The following HMGXB3 variants were observed in gnomAD, a reference collection of about 807,000 sequenced individuals.
HMGXB3 encodes HMG-box containing 3.
Under a neutral mutation model 121.5 loss-of-function variants are expected in HMGXB3, and 45 were observed. That is an observed-to-expected ratio of 0.37 (90% CI 0.29 to 0.47). HMGXB3 has a LOEUF of 0.47. HMGXB3 is among the 20% of genes least tolerant of loss of function. The pLI, the probability that HMGXB3 is intolerant of heterozygous loss-of-function variation, is 0.99. For missense variants in HMGXB3, 1,376 were observed against 1,602.2 expected (o/e 0.86, Z 2.41); for synonymous variants, 590 against 624.1 (o/e 0.95, Z 0.81).
At chr5:150,002,397 A>T (rs185566828) in intron 1 of HMGXB3, among the ~76,000 whole-genome samples, 1 of 152,300 alleles carries the variant, frequency 6.6e-6, no homozygotes, top group Admixed American at 6.5e-5. Flanking sequence ...ATAAGGTTAG[A>T]GTTTAGGTCT....
chr5:150,010,055 G>T (rs947228108), intron 3 of HMGXB3, 56 bp from the exon 4 acceptor site: 7 of 1,484,888 alleles, frequency 4.7e-6, no homozygotes, highest in Non-Finnish European at 6.3e-6. Context: ...CTCTCCATGT[G>T]GTCTTAGTCC....
chr5:150,011,799 A>G (rs1309114880), intron 4 of HMGXB3, among the ~76,000 whole-genome samples: 4 of 151,154 alleles, frequency 2.6e-5, no homozygotes, highest in African/African-American at 7.3e-5. Context: ...TTTAGTAGAC[A>G]TAGGGTTTCA....
chr5:150,048,678 C>A lies in HMGXB3; in HGVS notation c.3194C>A (p.Pro1065His). ...FTGGKIYKVC[P>H]HQVVCGSKYL... ...GGTGGTAAAATCTACAAGGTGTGCC[C>A]CCATCAGGTAAGAAAATAACTAGGG... is the stretch of plus-strand genomic sequence containing the variant. Residue 1065 changes from proline to histidine, a missense_variant, in exon 18 of 20, where the codon CCC (proline) becomes CAC (histidine). This residue lies in a region of HMGXB3 where 1,116 missense variants were observed against 1,369.0 expected (regional missense o/e 0.82). Transcript: ENST00000502717. The A allele has an allele frequency of 8.4e-6, 13 of 1,544,804 alleles. No homozygotes were observed. Among genetic ancestry groups the A allele is most frequent in the Non-Finnish European group, 1.1e-5 (13 of 1,140,682 alleles).
chr5:150,015,248 A>G (rs918509535), intron 5 of HMGXB3: 2 of 192,980 alleles, frequency 1.0e-5, no homozygotes, highest in Non-Finnish European at 2.1e-5. Context: ...TAGTTTCTTA[A>G]GGTAGAAGCT....
Position 150,036,892 on chromosome 5 carries a change from C to T in HMGXB3, c.2240C>T (p.Thr747Met), listed in dbSNP as rs1460755431. The change falls in exon 12 of 20, where the codon ACG becomes ATG. Residue 747 changes from threonine to methionine, a missense_variant. Physicochemically the swap from Thr to Met is moderately conservative, Grantham distance 81 (BLOSUM62 -1). Around this residue, in one of 2 missense-constraint regions of HMGXB3, gnomAD observed 1,116 missense variants for 1,369.0 expected, o/e 0.82. Transcript: ENST00000502717. ...SWSNYYESPSTQCLLCSSPLF... is the reference protein window; with the variant it reads ...SWSNYYESPSMQCLLCSSPLF... Reference sequence around the variant, plus strand: ...TCGAATTATTATGAGTCTCCGTCCACGCAGTGCCTTCTCTGTAGCAGCCCA... The same window carrying T: ...TCGAATTATTATGAGTCTCCGTCCATGCAGTGCCTTCTCTGTAGCAGCCCA... 6.4e-6 allele frequency: 10 copies of T among 1,551,562 alleles called. No individual in the cohort carries two copies. Among genetic ancestry groups the T allele is most frequent in the South Asian group, 4.8e-5 (4 of 84,060 alleles).
At chr5:150,024,746 T>C in intron 7 of HMGXB3, 66 bp downstream of exon 7, 2 of 1,317,648 alleles carry the variant, frequency 1.5e-6, no homozygotes, top group Admixed American at 5.7e-5. Context: ...ATCTCATGTC[T>C]GTACAGCATG....
At chr5:150,025,381 C>G (rs1364193380) in intron 7 of HMGXB3, among the ~76,000 whole-genome samples, 2 of 152,116 alleles carry the variant, frequency 1.3e-5, no homozygotes, top group Non-Finnish European at 2.9e-5. Flanking sequence ...CAATTGTGCC[C>G]GCAATGAACA....
Position 150,051,935 on chromosome 5 carries a change from G to A in HMGXB3, c.3622G>A (p.Val1208Met), listed in dbSNP as rs548707805. 21 of 1,552,260 alleles carry A rather than the reference G, an allele frequency of 1.4e-5. No homozygotes were observed. Among genetic ancestry groups the A allele is most frequent in the Admixed American group, 3.9e-5 (2 of 51,010 alleles). Reference protein sequence around the residue: ...APYATILASIVDSKPNGVRQR... With the variant: ...APYATILASIMDSKPNGVRQR... ...TTACGCAACCATCCTGGCCTCCATC[G>A]TGGACAGCAAACCAAACGGTGTCCG... is the stretch of plus-strand genomic sequence containing the variant. The change falls in exon 20 of 20, where the codon GTG becomes ATG. Residue 1208 changes from valine to methionine, a missense_variant. This residue lies in a region of HMGXB3 where 260 missense variants were observed against 233.2 expected (regional missense o/e 1.11). Transcript: ENST00000502717.
intron 11 of HMGXB3, among the ~76,000 whole-genome samples, chr5:150,033,947 A>G (rs1022481782): frequency 3.3e-5 from 5 of 152,246 alleles, no homozygotes; most frequent in South Asian, 2.1e-4. Flanking sequence ...TGGGAAAAAC[A>G]CTGGGGCTGG....
intron 15 of HMGXB3, among the ~76,000 whole-genome samples, chr5:150,042,902 GGTTGTATAACT>G (rs1463080588): frequency 2.0e-5 from 3 of 152,150 alleles, no homozygotes. Flanking sequence ...CATCATATAA[GGTTGTATAACT>G]TTGGAAACCA....
At chr5:150,015,401 C>T (rs557453589) in intron 5 of HMGXB3, among the ~76,000 whole-genome samples, 363 of 152,266 alleles carry the variant, frequency 2.4e-3, no homozygotes, top group Non-Finnish European at 4.5e-3. Flanking sequence ...CTACCTGCCC[C>T]AGTCTCTCAG....
intron 5 of HMGXB3, among the ~76,000 whole-genome samples, chr5:150,017,357 T>G (rs1561858497): frequency 6.6e-6 from 1 of 152,230 alleles, no homozygotes; most frequent in African/African-American, 2.4e-5. Context: ...ATTCCACTAT[T>G]AATAGTCTCT....
At position 150,010,181 on chromosome 5, in the gene HMGXB3, C is replaced by T; in HGVS notation, c.383C>T (p.Ser128Leu). Residue 128 changes from serine to leucine, a missense_variant, in exon 4 of 20, where the codon TCA (serine) becomes TTA (leucine). Around this residue, in one of 2 missense-constraint regions of HMGXB3, gnomAD observed 1,116 missense variants for 1,369.0 expected, o/e 0.82. Coordinates refer to ENST00000502717, the MANE Select transcript of HMGXB3 (RefSeq NM_014983.3). ...GGTTTCCGCAAGATCCTCCCACGCT[C>T]AGATTATATCATCATCCCCAAGAGC... ...IPGFRKILPR[S>L]DYIIIPKSSL... is the part of the protein sequence containing the mutation. 1 of 1,551,800 alleles carries T rather than the reference C, an allele frequency of 6.4e-7. No homozygotes were observed. Among genetic ancestry groups the T allele is most frequent in the Non-Finnish European group, 8.7e-7 (1 of 1,147,020 alleles).
intron 4 of HMGXB3, among the ~76,000 whole-genome samples, chr5:150,011,975 A>T (rs533660589): frequency 6.6e-6 from 1 of 152,250 alleles, no homozygotes; most frequent in Non-Finnish European, 1.5e-5. Context: ...TTAGAATTGG[A>T]TTCTCTCACT....
chr5:150,032,615 C>A lies in HMGXB3; in HGVS notation c.1983+12C>A. ...CCACCAAGGCTATCGTGAGTTCCTTCCCCCAAACACATCCCCTGGCCTGTT... is the reference window on the plus strand; with the variant it reads ...CCACCAAGGCTATCGTGAGTTCCTTACCCCAAACACATCCCCTGGCCTGTT... On this transcript the variant is annotated intron_variant, in intron 11 of 19. Transcript: ENST00000502717. 1 of 1,552,126 alleles carries A rather than the reference C, an allele frequency of 6.4e-7. No individual in the cohort carries two copies.
In HMGXB3 at chr5:150,051,822, G is replaced by A; in HGVS notation, c.3509G>A (p.Arg1170Gln). ...CACCCAGTCACCAAGACTGCCACGC[G>A]GCGCATCGTCCATGCAGGCCTACAG... ...IQHPVTKTAT[R>Q]RIVHAGLQPN... Residue 1170 changes from arginine (R) to glutamine (Q), a missense_variant, in exon 20 of 20, where the codon CGG becomes CAG. Arg to Gln is a conservative substitution (Grantham distance 43, BLOSUM62 1). Transcript: ENST00000502717. 4 of 1,549,268 alleles carry A rather than the reference G, an allele frequency of 2.6e-6. No individual in the cohort carries two copies. The highest frequency in any genetic ancestry group is 2.6e-6 in the Non-Finnish European group (3 of 1,147,082).
At chr5:150,019,090 T>C (rs1756025559) in intron 6 of HMGXB3, among the ~76,000 whole-genome samples, 1 of 152,166 alleles carries the variant, frequency 6.6e-6, no homozygotes, top group African/African-American at 2.4e-5. Context: ...ATTACAGCAC[T>C]GTGAGCACTG....
At chr5:150,033,072 C>A (rs1167520487) in intron 11 of HMGXB3, among the ~76,000 whole-genome samples, 9 of 152,152 alleles carry the variant, frequency 5.9e-5, no homozygotes, top group Admixed American at 3.3e-4. Flanking sequence ...GTCTAGGCAG[C>A]CCTCCTCTCT....
chr5:150,047,560 G>T, intron 16 of HMGXB3, 64 bp from the exon 17 acceptor site: 1 of 1,541,426 alleles, frequency 6.5e-7, no homozygotes, highest in South Asian at 1.2e-5. Flanking sequence ...TGTTTTGTGG[G>T]CCTAGCCTTG....
Sources: allele counts gnomAD v4.1 joint callset (sites outside exome capture counted in the v4.1 genomes callset), GRCh38; gene constraint gnomAD v4.1.1; regional missense constraint gnomAD v4.1.1; transcripts MANE v1.5; gene names NCBI Gene and HGNC (gene_info 2026-07-23, HGNC 2026-07-21).